Variants in ADARB2 observed in about 807,000 individuals in gnomAD.
ADARB2 encodes the protein inactive double-stranded RNA-specific editase B2.
In ADARB2, 25 loss-of-function variants were observed where a neutral mutation model predicts 62.2. The observed-to-expected ratio is 0.40, with a 90% CI of 0.29 to 0.56. The LOEUF (loss-of-function observed/expected upper bound fraction) is 0.56. Among genes scored for constraint, ADARB2 ranks in the 20% least tolerant of loss-of-function variants. The probability of loss-of-function intolerance (pLI) is 0.43; values close to 1 mark genes in which losing one functional copy is unlikely to be tolerated. For missense variants in ADARB2, 1,071 were observed against 1,077.4 expected, an observed-to-expected ratio of 0.99 and a Z score of 0.08; for synonymous variants, 572 against 500.8, an observed-to-expected ratio of 1.14 and a Z score of -1.90.
chr10:1,603,613 C>T (rs1483558093), intron 1 of ADARB2, among the ~76,000 whole-genome samples: 1 of 151,420 alleles, frequency 6.6e-6, no homozygotes. Flanking sequence ...CTGCCAGTTG[C>T]ACTTTTGTGG....
intron 1 of ADARB2, among the ~76,000 whole-genome samples, chr10:1,685,672 T>A (rs140695410): frequency 5.9e-5 from 9 of 152,256 alleles, no homozygotes; most frequent in African/African-American, 2.2e-4. Flanking sequence ...CAGCACAAAG[T>A]CAACAGAGAA....
At chr10:1,250,342 T>C (rs563876981) in intron 4 of ADARB2, among the ~76,000 whole-genome samples, 4 of 152,002 alleles carry the variant, frequency 2.6e-5, no homozygotes, top group Admixed American at 2.6e-4. Flanking sequence ...GGTGTTTGGG[T>C]CATGGGGTGG....
chr10:1,511,237 A>G (rs1831932873), intron 1 of ADARB2, among the ~76,000 whole-genome samples: 1 of 152,212 alleles, frequency 6.6e-6, no homozygotes, highest in Non-Finnish European at 1.5e-5. Flanking sequence ...TTAAAAGCTA[A>G]GGTGAAGTGC....
intron 1 of ADARB2, among the ~76,000 whole-genome samples, chr10:1,672,568 C>T (rs549511710): frequency 1.7e-4 from 26 of 152,280 alleles, no homozygotes; most frequent in Admixed American, 7.8e-4. Flanking sequence ...TGCCTCCCCC[C>T]ATGCACGCGC....
intron 1 of ADARB2, among the ~76,000 whole-genome samples, chr10:1,584,999 C>G (rs2132003401): frequency 6.6e-6 from 1 of 152,154 alleles, no homozygotes; most frequent in South Asian, 2.1e-4. Context: ...AGAAAAATCA[C>G]CCTGTATGGT....
chr10:1,256,032 T>C (rs1057112534), intron 4 of ADARB2, among the ~76,000 whole-genome samples: 17 of 152,162 alleles, frequency 1.1e-4, no homozygotes, highest in Non-Finnish European at 2.5e-4. Context: ...GCAGCAGTAT[T>C]TGCTGCTGCA....
At chr10:1,318,190 C>A (rs1158428565) in intron 3 of ADARB2, among the ~76,000 whole-genome samples, 1 of 152,192 alleles carries the variant, frequency 6.6e-6, no homozygotes, top group African/African-American at 2.4e-5. Flanking sequence ...CACAATCAAT[C>A]AAATAAAACA....
rs562410685 is a variant in ADARB2, at chr10:1,471,192, C to T, written c.101-92032G>A. On this transcript the variant is annotated intron_variant, in intron 1 of 9. Coordinates refer to ENST00000381312, the MANE Select transcript of ADARB2 (RefSeq NM_018702.4). ...TCACGATTCCACAAAGGATTTCATT[C>T]CGCAGAACACTCCAGAGAGGTTTTC... is the stretch of plus-strand genomic sequence containing the variant. Among the ~76,000 whole-genome samples the T allele has an allele frequency of 1.1e-4, 16 of 152,316 alleles. No individual in the cohort carries two copies. The East Asian group carries it at 2.7e-3, about 26-fold the overall frequency.
In ADARB2 at chr10:1,661,812, T is replaced by C. The variant is rs1214172502; in HGVS notation, c.100+75239A>G. ...GACTTTCACACACTTGCCCTAAATT[T>C]CCCAAGTGCAAAGGGACGGGGAGAA... On this transcript the variant is annotated intron_variant, in intron 1 of 9. Coordinates refer to ENST00000381312, the MANE Select transcript of ADARB2 (RefSeq NM_018702.4). Among the ~76,000 whole-genome samples, 3 of 152,122 alleles carry C rather than the reference T, an allele frequency of 2.0e-5. No homozygotes were observed. In the East Asian group the frequency reaches 5.8e-4, roughly 29 times the overall value.
In ADARB2 at chr10:1,428,837, G is replaced by A. The variant is rs574924306; in HGVS notation, c.101-49677C>T. On this transcript the variant is annotated intron_variant, in intron 1 of 9. Coordinates refer to ENST00000381312, the MANE Select transcript of ADARB2 (RefSeq NM_018702.4). ...CACATGCACTTACACACACACACACGCAATCCCACACACACATACACACAC... is the reference window on the plus strand; with the variant it reads ...CACATGCACTTACACACACACACACACAATCCCACACACACATACACACAC... Among the ~76,000 whole-genome samples the A allele has an allele frequency of 9.9e-5, 15 of 150,844 alleles. No homozygotes were observed. The South Asian group carries it at 1.9e-3, about 19-fold the overall frequency.
At chr10:1,663,881 G>A (rs1834281346) in intron 1 of ADARB2, among the ~76,000 whole-genome samples, 1 of 152,200 alleles carries the variant, frequency 6.6e-6, no homozygotes, top group African/African-American at 2.4e-5. Flanking sequence ...GACTCCCAAA[G>A]TGCTGGGATT....
At chr10:1,571,601 T>C (rs887036810) in intron 1 of ADARB2, among the ~76,000 whole-genome samples, 35 of 152,178 alleles carry the variant, frequency 2.3e-4, no homozygotes, top group Non-Finnish European at 1.0e-4. Flanking sequence ...TCCCCTTTCA[T>C]TTAGTTGCAG....
intron 1 of ADARB2, among the ~76,000 whole-genome samples, chr10:1,551,606 A>G (rs12254193): frequency 0.066 from 9,998 of 152,250 alleles, 949 homozygotes; most frequent in African/African-American, 0.21. Context: ...TAAAGCAAAA[A>G]TAAAATAATT....
intron 1 of ADARB2, among the ~76,000 whole-genome samples, chr10:1,719,227 G>A (rs777932749): frequency 6.6e-6 from 1 of 152,150 alleles, no homozygotes; most frequent in African/African-American, 2.4e-5. Flanking sequence ...GCCTCCCAAA[G>A]TGCTGGGATT....
intron 1 of ADARB2, among the ~76,000 whole-genome samples, chr10:1,720,145 T>C (rs1170964131): frequency 6.6e-6 from 1 of 152,092 alleles, no homozygotes; most frequent in Non-Finnish European, 1.5e-5. Flanking sequence ...TGATGGTGGA[T>C]TGGATAAAGA....
In ADARB2 at chr10:1,298,369, G is replaced by T. The variant is rs373078789; in HGVS notation, c.1078-27300C>A. Reference sequence around the variant, plus strand: ...AGTGGCTGGACTTAAGGGTTTCCATGGAGTCTGCTCTGGGTGATCCCGGGG... The same window carrying T: ...AGTGGCTGGACTTAAGGGTTTCCATTGAGTCTGCTCTGGGTGATCCCGGGG... On this transcript the variant is annotated intron_variant, in intron 3 of 9. Coordinates refer to ENST00000381312, the MANE Select transcript of ADARB2 (RefSeq NM_018702.4). Among the ~76,000 whole-genome samples, 7 of 152,312 alleles carry T rather than the reference G, an allele frequency of 4.6e-5. No homozygotes were observed. The East Asian group carries it at 1.2e-3, about 25-fold the overall frequency.
chr10:1,671,435 G>A (rs1036456767), intron 1 of ADARB2, among the ~76,000 whole-genome samples: 1 of 152,230 alleles, frequency 6.6e-6, no homozygotes, highest in Non-Finnish European at 1.5e-5. Flanking sequence ...CTATCAACCT[G>A]GAGATGTTCG....
At chr10:1,349,810 T>C (rs1832117498) in intron 3 of ADARB2, among the ~76,000 whole-genome samples, 2 of 152,140 alleles carry the variant, frequency 1.3e-5, no homozygotes, top group Admixed American at 6.5e-5. Context: ...CCTCTCTGAT[T>C]ATTCATCCAT....
chr10:1,258,903 A>T (rs1382636272), intron 4 of ADARB2, among the ~76,000 whole-genome samples: 1 of 152,234 alleles, frequency 6.6e-6, no homozygotes, highest in Non-Finnish European at 1.5e-5. Flanking sequence ...TTGGAAGTAA[A>T]GCACTCCTCA....
Sources: gnomAD v4.1 joint callset for allele counts (sites outside exome capture counted in the v4.1 genomes callset) on GRCh38, gnomAD v4.1.1 for gene constraint, MANE v1.5 for transcripts, NCBI Gene and HGNC (gene_info 2026-07-23, HGNC 2026-07-21) for gene names.